The following PPARGC1A variants were observed in gnomAD, a reference collection of about 807,000 sequenced individuals.
PPARGC1A encodes the protein PPARG coactivator 1 alpha.
A neutral mutation model predicts 88.7 loss-of-function variants in PPARGC1A; 25 were observed. That is an observed-to-expected ratio of 0.28 (90% CI 0.21 to 0.39). The LOEUF is 0.39. Ranked by LOEUF, PPARGC1A falls within the 10% of genes least tolerant of loss-of-function variation. The pLI is 1.00. For missense variants in PPARGC1A, 880 were observed against 968.7 expected, an observed-to-expected ratio of 0.91 and a Z score of 1.22; for synonymous variants, 363 against 355.6, an observed-to-expected ratio of 1.02 and a Z score of -0.24.
the PPARGC1A span, among the ~76,000 whole-genome samples, chr4:24,038,968 G>A: frequency 3.3e-5 from 5 of 152,140 alleles, no homozygotes; most frequent in African/African-American, 1.2e-4. Context: ...GAGCCACAGT[G>A]AGGTCTTGTC....
chr4:24,078,991 GAA>G, the PPARGC1A span, among the ~76,000 whole-genome samples: 4 of 151,902 alleles, frequency 2.6e-5, no homozygotes, highest in Non-Finnish European at 4.4e-5. Context: ...GTAAAATACT[GAA>G]AACACCATTT....
At chr4:24,233,402 T>C in the PPARGC1A span, among the ~76,000 whole-genome samples, 2 of 150,258 alleles carry the variant, frequency 1.3e-5, no homozygotes, top group African/African-American at 4.9e-5. Flanking sequence ...CTTCTCCTTC[T>C]CTCTCTATCA....
the PPARGC1A span, among the ~76,000 whole-genome samples, chr4:24,077,935 T>G: frequency 3.9e-5 from 6 of 152,088 alleles, no homozygotes; most frequent in African/African-American, 1.4e-4. Context: ...TTAATTAATT[T>G]TAATTTCCAC....
intron 7 of PPARGC1A, among the ~76,000 whole-genome samples, chr4:23,822,848 T>G (rs920000898): frequency 6.6e-6 from 1 of 152,208 alleles, no homozygotes; most frequent in East Asian, 1.9e-4. Flanking sequence ...GTTACATAAA[T>G]GCAATTGGGC....
chr4:24,454,835 T>A, the PPARGC1A span, among the ~76,000 whole-genome samples: 1 of 151,174 alleles, frequency 6.6e-6, no homozygotes, highest in Admixed American at 6.6e-5. Context: ...AGGCAAGAGG[T>A]CTTATTTTGA....
At chr4:24,319,505 T>C in the PPARGC1A span, among the ~76,000 whole-genome samples, 2 of 152,136 alleles carry the variant, frequency 1.3e-5, no homozygotes, top group African/African-American at 2.4e-5. Context: ...TGGATCTCCT[T>C]AGTTAGCTTG....
intron 2 of PPARGC1A, among the ~76,000 whole-genome samples, chr4:23,858,096 T>C (rs1560457449): frequency 6.6e-6 from 1 of 152,080 alleles, no homozygotes; most frequent in Non-Finnish European, 1.5e-5. Context: ...CTTATTAATA[T>C]TACATTTGCT....
the PPARGC1A span, among the ~76,000 whole-genome samples, chr4:24,369,858 C>T: frequency 6.6e-6 from 1 of 152,216 alleles, no homozygotes; most frequent in Non-Finnish European, 1.5e-5. Context: ...GGGCAAGTCA[C>T]GATCACATCC....
chr4:24,308,714 GT>G, the PPARGC1A span, among the ~76,000 whole-genome samples: 1 of 152,070 alleles, frequency 6.6e-6, no homozygotes, highest in African/African-American at 2.4e-5. Flanking sequence ...ACAATTTGAG[GT>G]TGTGCATAAG....
At chr4:23,992,802 G>C in the PPARGC1A span, among the ~76,000 whole-genome samples, 1 of 151,934 alleles carries the variant, frequency 6.6e-6, no homozygotes. Flanking sequence ...TGTCCTCTAT[G>C]TATACACATG....
the PPARGC1A span, among the ~76,000 whole-genome samples, chr4:24,443,224 C>T: frequency 3.3e-5 from 5 of 149,526 alleles, no homozygotes; most frequent in Admixed American, 6.7e-5. Context: ...TCAGTTTTAA[C>T]GTCACTATTT....
the PPARGC1A span, among the ~76,000 whole-genome samples, chr4:24,079,203 G>A: frequency 6.6e-6 from 1 of 151,906 alleles, no homozygotes. Flanking sequence ...ATTGATACAT[G>A]TTACCTAATT....
At chr4:24,180,096 G>A in the PPARGC1A span, among the ~76,000 whole-genome samples, 2 of 152,156 alleles carry the variant, frequency 1.3e-5, no homozygotes, top group East Asian at 3.9e-4. Context: ...TGTTGAATTT[G>A]AGCTCCGAAA....
At chr4:23,799,388 A>G (rs923657162) in intron 12 of PPARGC1A, among the ~76,000 whole-genome samples, 1 of 152,210 alleles carries the variant, frequency 6.6e-6, no homozygotes. Flanking sequence ...CATCACAAAC[A>G]TTTATTTAAT....
chr4:24,071,496 C>T, the PPARGC1A span, among the ~76,000 whole-genome samples: 1 of 151,048 alleles, frequency 6.6e-6, no homozygotes, highest in African/African-American at 2.4e-5. Context: ...AAATTGCATG[C>T]TTTTTTTTTC....
At chr4:23,831,375 C>T (rs188063563) in intron 3 of PPARGC1A, 182 bp downstream of exon 3, 5 of 495,822 alleles carry the variant, frequency 1.0e-5, no homozygotes, top group African/African-American at 5.7e-5. Flanking sequence ...TACACGAAGA[C>T]GTGTATTATC....
the PPARGC1A span, among the ~76,000 whole-genome samples, chr4:24,383,603 A>G: frequency 6.6e-6 from 1 of 152,200 alleles, no homozygotes; most frequent in East Asian, 1.9e-4. Context: ...TAGCCGAATC[A>G]ATCAGGCAGA....
At chr4:24,075,913 C>T in the PPARGC1A span, among the ~76,000 whole-genome samples, 1 of 152,132 alleles carries the variant, frequency 6.6e-6, no homozygotes, top group African/African-American at 2.4e-5. Context: ...AGGTTCTGAC[C>T]CATGCCAGAG....
the PPARGC1A span, among the ~76,000 whole-genome samples, chr4:24,426,158 G>A: frequency 1.3e-5 from 2 of 152,292 alleles, no homozygotes; most frequent in South Asian, 2.1e-4. Context: ...ACAGAAGAAG[G>A]TAGAGAGGTA....
Sources: allele counts gnomAD v4.1 joint callset (sites outside exome capture counted in the v4.1 genomes callset), GRCh38; gene constraint gnomAD v4.1.1; transcripts MANE v1.5; gene names NCBI Gene and HGNC (gene_info 2026-07-23, HGNC 2026-07-21).